The following DPAGT1 variants were observed in gnomAD, a reference collection of about 807,000 sequenced individuals.
DPAGT1 encodes the protein dolichyl-phosphate N-acetylglucosaminephosphotransferase 1, also known as UDP-N-acetylglucosamine--dolichyl-phosphate N-acetylglucosaminephosphotransferase.
A neutral mutation model predicts 39.3 loss-of-function variants in DPAGT1; 25 were observed. That is an observed-to-expected ratio of 0.64 (90% CI 0.46 to 0.89). The LOEUF (loss-of-function observed/expected upper bound fraction) is 0.89, where lower values mean the gene tolerates loss of function less well. Ranked by LOEUF, DPAGT1 falls within the 40% of genes least tolerant of loss-of-function variation. The probability of loss-of-function intolerance (pLI) is 0.00; values close to 1 mark genes in which losing one functional copy is unlikely to be tolerated. For synonymous variants in DPAGT1, 193 were observed against 201.4 expected (o/e 0.96, Z 0.36); for missense variants, 381 against 500.6 (o/e 0.76, Z 2.28).
intron 4 of DPAGT1, 145 bp downstream of exon 4, chr11:119,100,117 A>G: frequency 1.5e-6 from 2 of 1,311,924 alleles, no homozygotes; most frequent in South Asian, 2.4e-5. Context: ...ATAAATCTGC[A>G]TTGTTATTTG....
rs543421224 is a variant in DPAGT1 at position 119,097,260 on chromosome 11, C to T, written c.1043G>A (p.Ser348Asn). 1 of 1,614,218 alleles carries T rather than the reference C, an allele frequency of 6.2e-7. No homozygotes were observed. Among genetic ancestry groups the T allele is most frequent in the African/African-American group, 1.3e-5 (1 of 75,040 alleles). The change falls in exon 8 of 9, where the codon AGT becomes AAT. Residue 348 changes from serine to asparagine, a missense_variant. Coordinates refer to ENST00000354202, the MANE Select transcript of DPAGT1 (RefSeq NM_001382.4). The surrounding 1 kb of genome is among the most constrained non-coding windows in gnomAD (Gnocchi z 4.6). Reference protein sequence around the residue: ...ESLQLVTVHQSETEDGEFTEC... With the variant: ...ESLQLVTVHQNETEDGEFTEC... ...AGTGAATTCACCATCTTCAGTCTCACTCTGGTGTACTGTCACCAGCTGGAG... is the reference window on the plus strand; with the variant it reads ...AGTGAATTCACCATCTTCAGTCTCATTCTGGTGTACTGTCACCAGCTGGAG...
At chr11:119,095,646 A>G (rs998220787), downstream of DPAGT1, among the ~76,000 whole-genome samples, 1 of 152,050 alleles carries the variant, frequency 6.6e-6, no homozygotes, top group Non-Finnish European at 1.5e-5. Flanking sequence ...TTGCCCGGGG[A>G]GAAAAGGCGA....
At position 119,100,416 on chromosome 11, in the gene DPAGT1, G is replaced by A. The variant is rs767782520; in HGVS notation, c.497-8C>T. 1 of 1,614,084 alleles carries A rather than the reference G, an allele frequency of 6.2e-7. No individual in the cohort carries two copies. The highest frequency in any genetic ancestry group is 8.5e-7 in the Non-Finnish European group (1 of 1,180,052). On this transcript the variant is annotated splice_region_variant and splice_polypyrimidine_tract_variant and intron_variant, in intron 3 of 8. Transcript: ENST00000354202. ...AGACATAGTACAGGATTCCTGCGGG[G>A]AGAGATGGTAGGAAAAGAAGTAGTG... is the stretch of plus-strand genomic sequence containing the variant.
intron 1 of DPAGT1, 132 bp from the exon 2 acceptor site, chr11:119,101,270 C>A (rs957798180): frequency 7.1e-7 from 1 of 1,400,892 alleles, no homozygotes; most frequent in Non-Finnish European, 9.8e-7. Context: ...GTGAGGGGGG[C>A]GGAGGGAGGA....
chr11:119,094,915 T>C, downstream of DPAGT1: 1 of 1,532,694 alleles, frequency 6.5e-7, no homozygotes, highest in Non-Finnish European at 8.8e-7. Flanking sequence ...AAAAGGGCCT[T>C]TGTGGTGGCA....
intron 3 of DPAGT1, 23 bp downstream of exon 3, chr11:119,100,607 G>A (rs1479855978): frequency 1.2e-6 from 2 of 1,613,584 alleles, no homozygotes; most frequent in East Asian, 2.2e-5. Flanking sequence ...TGCCATAGGG[G>A]CAGCAGTGGT....
rs1946423247 is a variant in DPAGT1 at position 119,097,727 on chromosome 11, A to C, written c.917+128T>G. 1 of 1,459,592 alleles carries C rather than the reference A, an allele frequency of 6.9e-7. No homozygotes were observed. Among genetic ancestry groups the C allele is most frequent in the East Asian group, 2.3e-5 (1 of 44,104 alleles). 90.4% of individuals were successfully genotyped at this position (1,459,592 alleles called of 1,614,324 possible). On this transcript the variant is annotated intron_variant, in intron 6 of 8. Transcript: ENST00000354202. This position sits in a 1 kb window ranked among gnomAD's most constrained non-coding sequence, Gnocchi z 4.6. ...CAAATAAATGTGCTTTGTAAGTTAT[A>C]AAGGGCTACTCACATGGAAATAGCC...
rs1221039307 is a variant in DPAGT1 at position 119,098,436 on chromosome 11, A to G, written c.695T>C (p.Phe232Ser). 1 of 1,614,142 alleles carries G rather than the reference A, an allele frequency of 6.2e-7. No individual in the cohort carries two copies. The highest frequency in any genetic ancestry group is 1.7e-5 in the Admixed American group (1 of 60,028). The part of the protein sequence containing the change: ...VFSLYFMIPF[F>S]FTTLGLLYHN... ...GTAGAGCAATCCCAAAGTGGTGAAA[A>G]AAAAGGGTATCATGAAGTAGAGGGA... Residue 232 changes from phenylalanine (F) to serine (S), a missense_variant, in exon 5 of 9, where the codon TTT becomes TCT. Phe to Ser is a radical substitution (Grantham distance 155). Coordinates refer to ENST00000354202, the MANE Select transcript of DPAGT1 (RefSeq NM_001382.4).
downstream of DPAGT1, chr11:119,095,385 G>A: frequency 6.4e-7 from 1 of 1,561,300 alleles, no homozygotes; most frequent in Non-Finnish European, 8.6e-7. Context: ...GTCTTGCCGC[G>A]GCCCGACATG....
chr11:119,094,731 G>A (rs1027388833), downstream of DPAGT1: 294 of 484,538 alleles, frequency 6.1e-4, no homozygotes, highest in South Asian at 8.5e-4. Flanking sequence ...CGGCGGACAG[G>A]GCAGGGCCCG....
At position 119,097,739 on chromosome 11, in the gene DPAGT1, A is replaced by T. The variant is rs1224391290; in HGVS notation, c.917+116T>A. 1 of 1,476,906 alleles carries T rather than the reference A, an allele frequency of 6.8e-7. No homozygotes were observed. The allele number at this position is 1,476,906 out of a possible 1,614,324, so 91.5% of individuals were successfully genotyped here. A position where few individuals can be genotyped will look rare whatever the true frequency, so the allele number is the denominator to read the frequency against. On this transcript the variant is annotated intron_variant, in intron 6 of 8. Transcript: ENST00000354202. The surrounding 1 kb of genome is among the most constrained non-coding windows in gnomAD (Gnocchi z 4.6). ...CTTTGTAAGTTATAAAGGGCTACTC[A>T]CATGGAAATAGCCCTTCTTTGGGCC...
chr11:119,097,590 T>C lies in DPAGT1; in HGVS notation c.918-39A>G. Reference sequence around the variant, plus strand: ...ATAGCTTCATGTGACTGGGCCACTATTTGAACCCTCCTCCCTGTGGCTAAT... The same window carrying C: ...ATAGCTTCATGTGACTGGGCCACTACTTGAACCCTCCTCCCTGTGGCTAAT... On this transcript the variant is annotated intron_variant, in intron 6 of 8. Transcript: ENST00000354202. The surrounding 1 kb of genome is among the most constrained non-coding windows in gnomAD (Gnocchi z 4.6). The C allele has an allele frequency of 1.2e-6, 2 of 1,608,134 alleles. No individual in the cohort carries two copies. The highest frequency in any genetic ancestry group is 1.7e-6 in the Non-Finnish European group (2 of 1,174,584).
rs1453490446 is a variant in DPAGT1, at chr11:119,100,758, C to T, written c.368G>A (p.Arg123His). ...AGCTGTAGGTAGCAGCAGCTTATGG[C>T]GCCAGCGCAGATTCAGTACATCATC... ...FADDVLNLRW[R>H]HKLLLPTAAS... is the part of the protein sequence containing the mutation. Residue 123 changes from arginine to histidine, a missense_variant, in exon 3 of 9, where the codon CGC (arginine) becomes CAC (histidine). Coordinates refer to ENST00000354202, the MANE Select transcript of DPAGT1 (RefSeq NM_001382.4). The T allele has an allele frequency of 6.2e-7, 1 of 1,614,104 alleles. No homozygotes were observed. The highest frequency in any genetic ancestry group is 8.5e-7 in the Non-Finnish European group (1 of 1,180,016).
intron 4 of DPAGT1, 34 bp from the exon 5 acceptor site, chr11:119,098,521 A>T: frequency 6.2e-7 from 1 of 1,604,506 alleles, no homozygotes; most frequent in Non-Finnish European, 8.5e-7. Flanking sequence ...GGAAAAGTTA[A>T]TACCCACTTC....
intron 1 of DPAGT1, 33 bp from the exon 2 acceptor site, chr11:119,101,171 G>A (rs1278970531): frequency 1.2e-6 from 2 of 1,613,244 alleles, no homozygotes; most frequent in African/African-American, 1.3e-5. Context: ...CGAGGGGGAA[G>A]AGGAAAGGGG....
At chr11:119,098,251 G>A (rs1592226564) in intron 5 of DPAGT1, 152 bp downstream of exon 5, 8 of 496,360 alleles carry the variant, frequency 1.6e-5, no homozygotes, top group Non-Finnish European at 2.7e-5. Context: ...CTACTGGGTA[G>A]AGAGAAATTT....
downstream of DPAGT1, chr11:119,094,291 GTGAA>G (rs1450415135): frequency 6.6e-6 from 1 of 152,290 alleles, no homozygotes; most frequent in Non-Finnish European, 1.5e-5. Context: ...GAGAGCTGAT[GTGAA>G]AGGCCTGGGT....
Position 119,097,254 on chromosome 11 carries a change from G to T in DPAGT1, c.1049C>A (p.Thr350Asn), listed in dbSNP as rs752484662. The T allele has an allele frequency of 2.5e-6, 4 of 1,614,102 alleles. No homozygotes were observed. The Admixed American group carries it at 5.0e-5, about 20-fold the overall frequency. The change falls in exon 8 of 9, where the codon ACT (threonine) becomes AAT (asparagine). Residue 350 changes from threonine to asparagine, a missense_variant. Thr to Asn is a moderately conservative substitution (Grantham distance 65). Transcript: ENST00000354202. The surrounding 1 kb of genome is among the most constrained non-coding windows in gnomAD (Gnocchi z 4.6). ...ACATTCAGTGAATTCACCATCTTCA[G>T]TCTCACTCTGGTGTACTGTCACCAG... is the stretch of plus-strand genomic sequence containing the variant. ...LQLVTVHQSE[T>N]EDGEFTECNN...
intron 4 of DPAGT1, 94 bp downstream of exon 4, chr11:119,100,168 A>G: frequency 5.7e-6 from 9 of 1,566,604 alleles, no homozygotes; most frequent in Non-Finnish European, 7.9e-6. Context: ...ATTACTATGC[A>G]TATTGCTTTT....
Sources: allele counts gnomAD v4.1 joint callset (sites outside exome capture counted in the v4.1 genomes callset), GRCh38; gene constraint gnomAD v4.1.1; non-coding constraint Gnocchi (gnomAD v3.1); transcripts MANE v1.5; gene names NCBI Gene and HGNC (gene_info 2026-07-23, HGNC 2026-07-21).